Variants in CDH18 observed in about 807,000 individuals in gnomAD.
CDH18 encodes the protein cadherin 18.
A neutral mutation model predicts 67.9 loss-of-function variants in CDH18; 31 were observed. The observed-to-expected ratio is 0.46, with a 90% CI of 0.34 to 0.62. The LOEUF is 0.62. CDH18 is among the 20% of genes least tolerant of loss of function. The pLI is 0.01. For missense variants in CDH18, 890 were observed against 975.5 expected, an observed-to-expected ratio of 0.91 and a Z score of 1.17; for synonymous variants, 362 against 347.2, an observed-to-expected ratio of 1.04 and a Z score of -0.48.
chr5:19,723,008 A>T (rs762806917), intron 4 of CDH18, among the ~76,000 whole-genome samples: 4 of 152,272 alleles, frequency 2.6e-5, no homozygotes, highest in Non-Finnish European at 5.9e-5. Flanking sequence ...AGGCTAGGGG[A>T]TCACCTGAGG....
chr5:20,220,615 T>C (rs1404168553), intron 2 of CDH18, among the ~76,000 whole-genome samples: 1 of 151,534 alleles, frequency 6.6e-6, no homozygotes, highest in East Asian at 2.0e-4. Flanking sequence ...AGGGCAAAAA[T>C]GGAAAAATGG....
At chr5:19,878,960 G>A (rs1787331569) in intron 2 of CDH18, among the ~76,000 whole-genome samples, 1 of 151,880 alleles carries the variant, frequency 6.6e-6, no homozygotes, top group Non-Finnish European at 1.5e-5. Context: ...GCTAAAAAAT[G>A]TCTCTAGCTT....
intron 2 of CDH18, among the ~76,000 whole-genome samples, chr5:19,906,273 G>A (rs1790525782): frequency 6.6e-6 from 1 of 151,688 alleles, no homozygotes; most frequent in Non-Finnish European, 1.5e-5. Context: ...AGGAGCCTTC[G>A]AATAAACACC....
intron 12 of CDH18, chr5:19,478,741 T>C (rs927000677): frequency 1.3e-5 from 2 of 152,128 alleles, no homozygotes; most frequent in African/African-American, 4.8e-5. Flanking sequence ...GTGATCAAGA[T>C]TTGCCTTGCC....
At chr5:20,447,518 T>C (rs1054349749) in intron 1 of CDH18, among the ~76,000 whole-genome samples, 1 of 152,190 alleles carries the variant, frequency 6.6e-6, no homozygotes, top group South Asian at 2.1e-4. Context: ...CAATTCTCAC[T>C]AGCCAGTACT....
chr5:20,326,687 C>A (rs1369327047), intron 1 of CDH18, among the ~76,000 whole-genome samples: 1 of 151,830 alleles, frequency 6.6e-6, no homozygotes, highest in African/African-American at 2.4e-5. Context: ...TACAGGTGCC[C>A]GCCACCACAC....
At chr5:19,985,613 C>T (rs182143717) in intron 1 of CDH18, among the ~76,000 whole-genome samples, 34 of 151,906 alleles carry the variant, frequency 2.2e-4, no homozygotes, top group Non-Finnish European at 4.1e-4. Flanking sequence ...AATGATAGAG[C>T]TCACAATACC....
chr5:20,560,954 AG>A (rs1758175245), intron 1 of CDH18, among the ~76,000 whole-genome samples: 1 of 152,158 alleles, frequency 6.6e-6, no homozygotes, highest in Non-Finnish European at 1.5e-5. Context: ...AATCAGCAAA[AG>A]ACTTGAACAG....
intron 2 of CDH18, among the ~76,000 whole-genome samples, chr5:20,059,226 CTTT>C (rs1383936475): frequency 2.0e-5 from 3 of 151,888 alleles, no homozygotes; most frequent in Non-Finnish European, 4.4e-5. Context: ...CTCTTTTCTT[CTTT>C]ATTAGTCTGG....
intron 2 of CDH18, among the ~76,000 whole-genome samples, chr5:20,162,857 G>C (rs1415317126): frequency 6.6e-6 from 1 of 151,952 alleles, no homozygotes; most frequent in Non-Finnish European, 1.5e-5. Flanking sequence ...TCAGGAGTTT[G>C]AGACCAGCTT....
chr5:20,561,066 C>T (rs1758180889), intron 1 of CDH18, among the ~76,000 whole-genome samples: 1 of 152,022 alleles, frequency 6.6e-6, no homozygotes, highest in Admixed American at 6.6e-5. Flanking sequence ...TACTGCTATA[C>T]ATGTGCTAGA....
intron 2 of CDH18, among the ~76,000 whole-genome samples, chr5:19,840,889 G>A (rs1782241116): frequency 6.6e-6 from 1 of 152,042 alleles, no homozygotes; most frequent in African/African-American, 2.4e-5. Context: ...CTTTCTCATT[G>A]AATGCAATTC....
intron 2 of CDH18, among the ~76,000 whole-genome samples, chr5:19,970,139 C>A (rs1413690724): frequency 6.6e-6 from 1 of 151,602 alleles, no homozygotes; most frequent in Admixed American, 6.6e-5. Context: ...TGAGAAACAC[C>A]TACTGCTCCA....
At chr5:19,770,072 G>A (rs189385751) in intron 3 of CDH18, among the ~76,000 whole-genome samples, 9 of 152,110 alleles carry the variant, frequency 5.9e-5, no homozygotes, top group African/African-American at 2.2e-4. Context: ...AAAGACATAA[G>A]TAGTGGCAAG....
intron 2 of CDH18, among the ~76,000 whole-genome samples, chr5:20,230,636 A>G (rs2126498444): frequency 8.1e-6 from 1 of 123,958 alleles, no homozygotes; most frequent in African/African-American, 2.8e-5. Flanking sequence ...ATAAGTATAG[A>G]CTTTCATCAT....
At chr5:19,687,016 A>G (rs1052333650) in intron 5 of CDH18, among the ~76,000 whole-genome samples, 1 of 152,128 alleles carries the variant, frequency 6.6e-6, no homozygotes, top group African/African-American at 2.4e-5. Context: ...AAGAAGTAAC[A>G]CTGGAATTCA....
chr5:20,407,281 T>C (rs1192456545), intron 1 of CDH18, among the ~76,000 whole-genome samples: 1 of 152,140 alleles, frequency 6.6e-6, no homozygotes, highest in Non-Finnish European at 1.5e-5. Flanking sequence ...GATTGGCTTC[T>C]GCCTCATCTA....
chr5:19,994,324 T>TACACATATATGTATACATATAC (rs1446510568), intron 2 of CDH18, among the ~76,000 whole-genome samples: 8 of 150,668 alleles, frequency 5.3e-5, no homozygotes, highest in Admixed American at 4.6e-4. Context: ...TATACATATA[T>TACACATATATGTATACATATAC]ACATATATTT....
At chr5:19,913,452 T>C (rs1014455153) in intron 2 of CDH18, among the ~76,000 whole-genome samples, 1 of 152,072 alleles carries the variant, frequency 6.6e-6, no homozygotes, top group Non-Finnish European at 1.5e-5. Context: ...GTTCCCAAGG[T>C]TGTAAATTTT....
Sources: allele counts gnomAD v4.1 joint callset (sites outside exome capture counted in the v4.1 genomes callset), GRCh38; gene constraint gnomAD v4.1.1; transcripts MANE v1.5; gene names NCBI Gene and HGNC (gene_info 2026-07-23, HGNC 2026-07-21).